PABIR2: variants seen among roughly 807,000 people sequenced by gnomAD.
PABIR2 encodes the protein PABIR family member 2.
A neutral mutation model predicts 22.8 loss-of-function variants in PABIR2; 7 were observed. The observed-to-expected ratio is 0.31, with a 90% CI of 0.17 to 0.58. The LOEUF (loss-of-function observed/expected upper bound fraction) is 0.58, where lower values mean the gene tolerates loss of function less well. Among genes scored for constraint, PABIR2 ranks in the 20% least tolerant of loss-of-function variants. The pLI is 0.89. For synonymous variants in PABIR2, 67 were observed against 73.8 expected (o/e 0.91, Z 0.47); for missense variants, 155 against 205.1 (o/e 0.76, Z 1.49).
Position 134,785,897 on chromosome X carries a change from A to C in PABIR2, c.551T>G (p.Leu184Arg). Residue 184 changes from leucine (L) to arginine (R), a missense_variant, in exon 8 of 10, where the codon CTT becomes CGT. Physicochemically the swap from Leu to Arg is moderately radical, Grantham distance 102 (BLOSUM62 -2). Transcript: ENST00000343004. ...ACGCTGCTACATACCTTTTCTTTTA[A>C]GAGGACCAAGAACACTGGGTCTAAT... is the stretch of plus-strand genomic sequence containing the variant. ...KCIRPSVLGP[L>R]KRKGEMETES... The C allele has an allele frequency of 8.3e-7, 1 of 1,210,933 alleles. No homozygotes were observed. The highest frequency in any genetic ancestry group is 3.0e-5 in the East Asian group (1 of 33,849).
intron 8 of PABIR2, 134 bp downstream of exon 8, chrX:134,785,752 T>C: frequency 1.6e-6 from 1 of 637,496 alleles, no homozygotes; most frequent in Non-Finnish European, 2.4e-6. Flanking sequence ...CACGGTCAAG[T>C]TTTTAACACA....
At chrX:134,794,671 A>C (rs775076935) in intron 1 of PABIR2, among the ~76,000 whole-genome samples, 120 of 112,043 alleles carry the variant, frequency 1.1e-3, no homozygotes, top group African/African-American at 3.8e-3. Context: ...GTGTTTTGTT[A>C]ATCTTTGTAT....
intron 9 of PABIR2, among the ~76,000 whole-genome samples, chrX:134,780,272 G>A (rs141820105): frequency 1.8e-5 from 2 of 112,450 alleles, no homozygotes; most frequent in South Asian, 7.3e-4. Flanking sequence ...GTGCCCTCAT[G>A]GGCTTTTTAA....
intron 6 of PABIR2, among the ~76,000 whole-genome samples, chrX:134,788,510 AATATGTT>A (rs2079443654): frequency 9.4e-6 from 1 of 106,321 alleles, no homozygotes; most frequent in African/African-American, 3.4e-5. Context: ...TTATATATGT[AATATGTT>A]ATATATATGT....
intron 9 of PABIR2, among the ~76,000 whole-genome samples, chrX:134,777,969 C>T (rs1236497202): frequency 1.0e-5 from 1 of 97,459 alleles, no homozygotes; most frequent in African/African-American, 3.8e-5. Flanking sequence ...TCCTGGCTCA[C>T]TGCTACCTCT....
At position 134,794,055 on chromosome X, in the gene PABIR2, C is replaced by G. The variant is rs778899067; in HGVS notation, c.99-162G>C. 1.9e-5 allele frequency: 14 copies of G among 748,650 alleles called. No homozygotes were observed. The Admixed American group carries it at 3.5e-4, about 19-fold the overall frequency. 61.7% of individuals were successfully genotyped at this position (748,650 alleles called of 1,213,427 possible). A position where few individuals can be genotyped will look rare whatever the true frequency, so the allele number is the denominator to read the frequency against. ...AATGAACTCCTCACCGTCCTCTCTG[C>G]AGAGCTTCCCAAGTGGTATGCTGTG... On this transcript the variant is annotated intron_variant, in intron 1 of 9. Coordinates refer to ENST00000343004, the MANE Select transcript of PABIR2 (RefSeq NM_001387468.1).
chrX:134,772,308 T>C (rs1364095682), intron 9 of PABIR2, 25 bp from the exon 10 acceptor site: 1 of 1,163,112 alleles, frequency 8.6e-7, no homozygotes, highest in Non-Finnish European at 1.2e-6. Flanking sequence ...AAAAGAATTA[T>C]AAGCAAATGC....
intron 9 of PABIR2, among the ~76,000 whole-genome samples, chrX:134,776,219 A>G (rs1282704111): frequency 1.8e-5 from 2 of 112,286 alleles, no homozygotes. Flanking sequence ...GACATGACAC[A>G]TATAACATTA....
chrX:134,777,641 A>T (rs1338726209), intron 9 of PABIR2, among the ~76,000 whole-genome samples: 1 of 109,841 alleles, frequency 9.1e-6, no homozygotes, highest in Non-Finnish European at 1.9e-5. Context: ...GTTCGAGACC[A>T]GCCTGACCAA....
chrX:134,776,644 A>AG (rs1383942046), intron 9 of PABIR2, among the ~76,000 whole-genome samples: 5 of 112,219 alleles, frequency 4.5e-5, no homozygotes, highest in African/African-American at 1.6e-4. Flanking sequence ...AGAAAAGAAA[A>AG]AAAAAGTATG....
chrX:134,790,756 T>A (rs1251891758), intron 2 of PABIR2, among the ~76,000 whole-genome samples: 1 of 112,165 alleles, frequency 8.9e-6, no homozygotes, highest in African/African-American at 3.2e-5. Context: ...TGTATTTTAG[T>A]AGAGACGGGG....
At chrX:134,795,014 T>C (rs1230030032) in intron 1 of PABIR2, among the ~76,000 whole-genome samples, 1 of 111,936 alleles carries the variant, frequency 8.9e-6, no homozygotes, top group African/African-American at 3.3e-5. Context: ...ATTGCTGAAG[T>C]CCCTAGCAAT....
chrX:134,775,506 A>G (rs1467776658), intron 9 of PABIR2, among the ~76,000 whole-genome samples: 1 of 96,627 alleles, frequency 1.0e-5, no homozygotes, highest in Middle Eastern at 5.1e-3. Context: ...GTGACAGAGC[A>G]AGACTCCGTC....
chrX:134,772,009 A>G lies in PABIR2; in HGVS notation c.*130T>C. 1 of 1,032,354 alleles carries G rather than the reference A, an allele frequency of 9.7e-7. No individual in the cohort carries two copies. The highest frequency in any genetic ancestry group is 1.2e-6 in the Non-Finnish European group (1 of 804,270). The allele number at this position is 1,032,354 out of a possible 1,213,427, so 85.1% of individuals were successfully genotyped here. ...TTGGAGAAGAGAGATGCCAAAGAGT[A>G]ATAATAGCATCAGAATGTGTGAAAT... On this transcript the variant is annotated 3_prime_UTR_variant, in exon 10 of 10. Transcript: ENST00000343004.
chrX:134,787,905 G>T (rs1382820904), intron 6 of PABIR2, among the ~76,000 whole-genome samples: 7 of 107,407 alleles, frequency 6.5e-5, no homozygotes, highest in Non-Finnish European at 1.1e-4. Context: ...GAGTTGGAAT[G>T]ATTACAGGTA....
At chrX:134,793,917 AC>A (rs1348942354) in intron 1 of PABIR2, 24 bp from the exon 2 acceptor site, 5 of 1,182,506 alleles carry the variant, frequency 4.2e-6, no homozygotes, top group Middle Eastern at 2.3e-4. Context: ...AAACAAACAA[AC>A]AAAAAAAACA....
At chrX:134,781,707 A>G in intron 9 of PABIR2, 114 bp downstream of exon 9, 1 of 425,052 alleles carries the variant, frequency 2.4e-6, no homozygotes, top group Non-Finnish European at 3.5e-6. Context: ...TAAAAAATAA[A>G]TATTAACAAA....
intron 7 of PABIR2, 45 bp downstream of exon 7, chrX:134,787,427 T>C: frequency 8.7e-7 from 1 of 1,151,721 alleles, no homozygotes. Context: ...GAGATAAATG[T>C]AATGAATGGT....
At position 134,771,679 on chromosome X, in the gene PABIR2, T is replaced by C; in HGVS notation, c.*460A>G. The C allele has an allele frequency of 2.5e-6, 2 of 785,874 alleles. No individual in the cohort carries two copies. The highest frequency in any genetic ancestry group is 9.9e-5 in the East Asian group (1 of 10,099). 64.8% of individuals were successfully genotyped at this position (785,874 alleles called of 1,213,427 possible). A position where few individuals can be genotyped will look rare whatever the true frequency, so the allele number is the denominator to read the frequency against. On this transcript the variant is annotated 3_prime_UTR_variant, in exon 10 of 10. Coordinates refer to ENST00000343004, the MANE Select transcript of PABIR2 (RefSeq NM_001387468.1). ...TTAATATAATTAAAAGCAATTTATA[T>C]ATCATCATGAAATAAAGAGAGATTT...
Sources: allele counts gnomAD v4.1 joint callset (sites outside exome capture counted in the v4.1 genomes callset), GRCh38; gene constraint gnomAD v4.1.1; transcripts MANE v1.5; gene names NCBI Gene and HGNC (gene_info 2026-07-23, HGNC 2026-07-21).